Variants in QTMAN observed in about 807,000 individuals in gnomAD.
QTMAN encodes the protein queuosine-tRNA mannosyltransferase.
the QTMAN span, among the ~76,000 whole-genome samples, chr2:144,320,063 A>C: frequency 3.3e-5 from 5 of 152,222 alleles, no homozygotes; most frequent in Non-Finnish European, 7.3e-5. Flanking sequence ...TATATTTGTA[A>C]ATGGTTGAAA....
At chr2:144,256,289 C>G in the QTMAN span, among the ~76,000 whole-genome samples, 2 of 152,146 alleles carry the variant, frequency 1.3e-5, no homozygotes, top group Non-Finnish European at 2.9e-5. Flanking sequence ...TACAATGTCA[C>G]TTCACTTTTA....
chr2:144,209,180 G>A, the QTMAN span, among the ~76,000 whole-genome samples: 1 of 152,182 alleles, frequency 6.6e-6, no homozygotes, highest in East Asian at 1.9e-4. Flanking sequence ...ACTTGACTTA[G>A]AGCTCTAGTC....
the QTMAN span, among the ~76,000 whole-genome samples, chr2:143,963,091 G>C: frequency 6.6e-6 from 1 of 151,814 alleles, no homozygotes; most frequent in African/African-American, 2.4e-5. Context: ...TTGTTTATTA[G>C]CTGTGTGACC....
At chr2:144,326,922 TGAGA>T in the QTMAN span, among the ~76,000 whole-genome samples, 1 of 151,876 alleles carries the variant, frequency 6.6e-6, no homozygotes, top group African/African-American at 2.4e-5. Flanking sequence ...GAGAGCAAGA[TGAGA>T]GAGAGAGGAA....
At chr2:144,203,871 AC>A in the QTMAN span, among the ~76,000 whole-genome samples, 2 of 152,150 alleles carry the variant, frequency 1.3e-5, no homozygotes, top group Non-Finnish European at 2.9e-5. Context: ...GAATAGACAA[AC>A]CTGACAAAAA....
chr2:144,142,733 C>T, the QTMAN span, among the ~76,000 whole-genome samples: 8 of 151,900 alleles, frequency 5.3e-5, no homozygotes, highest in East Asian at 3.9e-4. Context: ...GAAATGCATC[C>T]GGAAATCCAG....
the QTMAN span, among the ~76,000 whole-genome samples, chr2:144,253,418 T>A: frequency 3.2e-4 from 48 of 151,838 alleles, no homozygotes; most frequent in Admixed American, 7.2e-4. Context: ...GTTGGAACAG[T>A]TTGGAGGGCT....
chr2:144,039,886 T>C, the QTMAN span, among the ~76,000 whole-genome samples: 3 of 152,234 alleles, frequency 2.0e-5, no homozygotes, highest in Admixed American at 6.5e-5. Context: ...TTTAGGAACC[T>C]GTACACTGGA....
At chr2:144,120,778 C>T in the QTMAN span, among the ~76,000 whole-genome samples, 1 of 152,048 alleles carries the variant, frequency 6.6e-6, no homozygotes, top group Admixed American at 6.6e-5. Flanking sequence ...TTAAATCATA[C>T]CATTTCAAGA....
the QTMAN span, among the ~76,000 whole-genome samples, chr2:144,231,843 GGTGTGTGTGTGTGTGTGTGTGTGTGTGT>G: frequency 1.4e-5 from 2 of 138,340 alleles, no homozygotes; most frequent in East Asian, 2.1e-4. Context: ...GAATGAAAGA[GGTGTGTGTGTGTGTGTGTGTGTGTGTGT>G]GTGTGTGTGT....
At chr2:144,239,996 C>A in the QTMAN span, among the ~76,000 whole-genome samples, 1 of 152,164 alleles carries the variant, frequency 6.6e-6, no homozygotes, top group African/African-American at 2.4e-5. Context: ...AGTTGCTCAC[C>A]GCTAAGCAGA....
At chr2:144,204,662 T>C in the QTMAN span, among the ~76,000 whole-genome samples, 2 of 152,160 alleles carry the variant, frequency 1.3e-5, no homozygotes, top group East Asian at 1.9e-4. Context: ...CAAAGGATTA[T>C]AAATCATGCT....
chr2:143,957,478 T>C, the QTMAN span: 3 of 515,226 alleles, frequency 5.8e-6, no homozygotes, highest in Non-Finnish European at 9.5e-6. Context: ...TTTGCTTTTA[T>C]AATCAAGGCA....
At chr2:144,259,771 AC>A in the QTMAN span, among the ~76,000 whole-genome samples, 1 of 152,312 alleles carries the variant, frequency 6.6e-6, no homozygotes, top group East Asian at 1.9e-4. Flanking sequence ...TTTTTAAAAA[AC>A]AAAAATAAAG....
chr2:144,123,453 TTGAG>T, the QTMAN span, among the ~76,000 whole-genome samples: 5 of 152,146 alleles, frequency 3.3e-5, no homozygotes, highest in African/African-American at 7.2e-5. Flanking sequence ...AGGTGTAAAC[TTGAG>T]TATCTATTCC....
At chr2:144,283,848 C>G in the QTMAN span, among the ~76,000 whole-genome samples, 1 of 151,850 alleles carries the variant, frequency 6.6e-6, no homozygotes, top group Non-Finnish European at 1.5e-5. Context: ...TAGTGTGACT[C>G]TAGTATGTCT....
At chr2:144,102,455 T>C in the QTMAN span, among the ~76,000 whole-genome samples, 3 of 152,350 alleles carry the variant, frequency 2.0e-5, no homozygotes, top group South Asian at 4.1e-4. Flanking sequence ...TTTGACGTTT[T>C]ACAGCTGAGG....
the QTMAN span, among the ~76,000 whole-genome samples, chr2:144,201,853 G>A: frequency 6.6e-6 from 1 of 152,144 alleles, no homozygotes; most frequent in Admixed American, 6.6e-5. Context: ...GAAGGGGAGT[G>A]TTACATTTTT....
the QTMAN span, among the ~76,000 whole-genome samples, chr2:144,172,704 A>T: frequency 2.0e-5 from 3 of 152,190 alleles, no homozygotes; most frequent in South Asian, 6.2e-4. Flanking sequence ...TATTTTATAA[A>T]GAAAAACACA....
Sources: gnomAD v4.1 joint callset for allele counts (sites outside exome capture counted in the v4.1 genomes callset) on GRCh38, gnomAD v4.1.1 for gene constraint, MANE v1.5 for transcripts, NCBI Gene and HGNC (gene_info 2026-07-23, HGNC 2026-07-21) for gene names.